The following AGBL1 variants were observed in gnomAD, a reference collection of about 807,000 sequenced individuals.
AGBL1 encodes cytosolic carboxypeptidase 4.
A neutral mutation model predicts 118.9 loss-of-function variants in AGBL1; 130 were observed. That is an observed-to-expected ratio of 1.09 (90% CI 0.95 to 1.26). The LOEUF is 1.26. AGBL1 is among the 50% of genes most tolerant of loss of function. The probability of loss-of-function intolerance (pLI) is 0.00; values close to 1 mark genes in which losing one functional copy is unlikely to be tolerated. For synonymous variants in AGBL1, 555 were observed against 478.9 expected, an observed-to-expected ratio of 1.16 and a Z score of -2.08; for missense variants, 1,584 against 1,298.1, an observed-to-expected ratio of 1.22 and a Z score of -3.38.
At chr15:86,602,393 C>T (rs1357883732) in intron 21 of AGBL1, among the ~76,000 whole-genome samples, 2 of 152,146 alleles carry the variant, frequency 1.3e-5, no homozygotes, top group African/African-American at 4.8e-5. Flanking sequence ...ATGTTGTATG[C>T]TCACCAAGTA....
chr15:86,467,998 T>A (rs561170376), intron 18 of AGBL1, among the ~76,000 whole-genome samples: 2 of 152,238 alleles, frequency 1.3e-5, no homozygotes, highest in South Asian at 4.2e-4. Context: ...TTCCTTTATT[T>A]TCTTTTACTA....
chr15:86,732,866 G>GAT (rs956126767), intron 22 of AGBL1, among the ~76,000 whole-genome samples: 2 of 150,448 alleles, frequency 1.3e-5, no homozygotes, highest in Non-Finnish European at 3.0e-5. Flanking sequence ...GAACCAATAA[G>GAT]ATATATATAG....
chr15:86,554,841 G>C (rs756843023), intron 21 of AGBL1, among the ~76,000 whole-genome samples: 1 of 152,134 alleles, frequency 6.6e-6, no homozygotes, highest in African/African-American at 2.4e-5. Flanking sequence ...TGCTTGCCTG[G>C]CTCTGTTGTT....
intron 22 of AGBL1, among the ~76,000 whole-genome samples, chr15:86,901,095 G>T (rs1055134780): frequency 1.3e-5 from 2 of 152,018 alleles, no homozygotes; most frequent in East Asian, 3.9e-4. Flanking sequence ...TTGAGTCCAG[G>T]TTATAAGAAT....
chr15:86,826,774 G>A (rs573514573), intron 22 of AGBL1, among the ~76,000 whole-genome samples: 218 of 152,186 alleles, frequency 1.4e-3, no homozygotes, highest in African/African-American at 4.9e-3. Context: ...GTCCTCTGTA[G>A]GCTAGATATG....
intron 22 of AGBL1, among the ~76,000 whole-genome samples, chr15:86,855,457 A>G (rs1244819765): frequency 2.6e-5 from 4 of 152,082 alleles, no homozygotes; most frequent in East Asian, 1.9e-4. Flanking sequence ...CAATCCAGCT[A>G]TTTCTCACTG....
At chr15:86,164,720 G>T (rs892614752) in intron 5 of AGBL1, among the ~76,000 whole-genome samples, 7 of 152,116 alleles carry the variant, frequency 4.6e-5, no homozygotes, top group Non-Finnish European at 8.8e-5. Flanking sequence ...GGCTTGCCTT[G>T]CTTTATAAGT....
intron 17 of AGBL1, among the ~76,000 whole-genome samples, chr15:86,362,400 C>T (rs1704668370): frequency 6.6e-6 from 1 of 152,082 alleles, no homozygotes; most frequent in African/African-American, 2.4e-5. Flanking sequence ...GAGTTTTATA[C>T]TTGCATATAT....
At chr15:86,904,339 A>G (rs1216332777) in intron 22 of AGBL1, among the ~76,000 whole-genome samples, 1 of 151,316 alleles carries the variant, frequency 6.6e-6, no homozygotes, top group Non-Finnish European at 1.5e-5. Context: ...GTGTCTTCTT[A>G]TTTTTTTAGT....
intron 22 of AGBL1, among the ~76,000 whole-genome samples, chr15:86,812,953 G>A (rs2078811143): frequency 2.6e-5 from 4 of 151,936 alleles, no homozygotes; most frequent in South Asian, 4.2e-4. Context: ...CTGGAAGGGA[G>A]CAGGAAAGAA....
intron 21 of AGBL1, among the ~76,000 whole-genome samples, chr15:86,602,232 G>A (rs1029966494): frequency 1.3e-5 from 2 of 152,130 alleles, no homozygotes; most frequent in Non-Finnish European, 2.9e-5. Flanking sequence ...TTCATCACAT[G>A]TTGTATGGTG....
chr15:86,464,424 C>T (rs2082372485), intron 18 of AGBL1, among the ~76,000 whole-genome samples: 1 of 152,074 alleles, frequency 6.6e-6, no homozygotes, highest in African/African-American at 2.4e-5. Flanking sequence ...GTTTGAATAC[C>T]CCTTATTTCT....
At chr15:86,847,549 T>G (rs954126461) in intron 22 of AGBL1, among the ~76,000 whole-genome samples, 6 of 152,214 alleles carry the variant, frequency 3.9e-5, no homozygotes, top group African/African-American at 1.4e-4. Flanking sequence ...TATTCATGGA[T>G]TTTTAAAGGC....
intron 1 of AGBL1, among the ~76,000 whole-genome samples, chr15:86,121,289 TTAAGAA>T (rs1898080386): frequency 6.6e-6 from 1 of 152,240 alleles, no homozygotes; most frequent in African/African-American, 2.4e-5. Context: ...CATTTTACTA[TTAAGAA>T]TAACAACTAT....
chr15:86,193,700 G>C lies in AGBL1; in HGVS notation c.489-31214G>C, dbSNP rs200754466. 2.6e-5 allele frequency among the ~76,000 whole-genome samples: 4 copies of C among 152,316 alleles called. No individual in the cohort carries two copies. The East Asian group carries it at 7.7e-4, about 29-fold the overall frequency. ...TTTCTTAATTCAGTGGAGAAGACCA[G>C]TGTGTAGAGAATGGTGTCTGAAGCA... On this transcript the variant is annotated intron_variant, in intron 5 of 22. Transcript: ENST00000614907.
At position 86,278,564 on chromosome 15, in the gene AGBL1, A is replaced by G. The variant is rs56759061; in HGVS notation, c.2076-1075A>G. Among the ~76,000 whole-genome samples, 1,294 of 152,356 alleles carry G rather than the reference A, an allele frequency of 8.5e-3. 18 individuals carry two copies. Among genetic ancestry groups the G allele is most frequent in the African/African-American group, 0.029 (1,208 of 41,584 alleles). On this transcript the variant is annotated intron_variant, in intron 15 of 22. Transcript: ENST00000614907. Reference sequence around the variant, plus strand: ...GAAAGTAGCAAAAAGGTAGAAAAGAATAACCCATGTTTGTTTTATTTTTCA... The same window carrying G: ...GAAAGTAGCAAAAAGGTAGAAAAGAGTAACCCATGTTTGTTTTATTTTTCA...
chr15:86,240,165 G>T (rs551841998), intron 6 of AGBL1, among the ~76,000 whole-genome samples: 10 of 152,248 alleles, frequency 6.6e-5, no homozygotes, highest in Non-Finnish European at 8.8e-5. Context: ...AAGAGGGAAA[G>T]TAATACTTAT....
intron 24 of AGBL1, among the ~76,000 whole-genome samples, chr15:86,997,669 C>T (rs1448584693): frequency 1.3e-5 from 2 of 151,928 alleles, no homozygotes; most frequent in Admixed American, 6.6e-5. Context: ...TTTGTTTTTT[C>T]CTCATGGGTT....
At chr15:86,628,596 A>T (rs2084921844) in intron 21 of AGBL1, among the ~76,000 whole-genome samples, 1 of 152,012 alleles carries the variant, frequency 6.6e-6, no homozygotes, top group African/African-American at 2.4e-5. Context: ...GGAGATCGAG[A>T]CCACCCTGGC....
Sources: gnomAD v4.1 joint callset for allele counts (sites outside exome capture counted in the v4.1 genomes callset) on GRCh38, gnomAD v4.1.1 for gene constraint, MANE v1.5 for transcripts, NCBI Gene and HGNC (gene_info 2026-07-23, HGNC 2026-07-21) for gene names.